BRAF: variants seen among roughly 807,000 people sequenced by gnomAD.
The protein encoded by BRAF is B-Raf proto-oncogene, serine/threonine kinase.
Under a neutral mutation model 104.6 loss-of-function variants are expected in BRAF, and 16 were observed. The observed-to-expected ratio is 0.15, with a 90% CI of 0.10 to 0.23. BRAF has a LOEUF of 0.23. Among genes scored for constraint, BRAF ranks in the 10% least tolerant of loss-of-function variants. BRAF has a pLI of 1.00. For synonymous variants in BRAF, 310 were observed against 341.6 expected (o/e 0.91, Z 1.02); for missense variants, 541 against 937.3 (o/e 0.58, Z 5.52).
chr7:140,833,863 T>C lies in BRAF; in HGVS notation c.504+746A>G, dbSNP rs192129584. The stretch of plus-strand genomic sequence containing the variant: ...TTCTGAAAGTAAAATGCCTCTATAA[T>C]AACATTTTTTTTTCAAGTCAGAAAG... On this transcript the variant is annotated intron_variant, in intron 3 of 19. Transcript: ENST00000644969. 3.3e-5 allele frequency: 5 copies of C among 152,302 alleles called. No individual in the cohort carries two copies. In the East Asian group the frequency reaches 7.7e-4, roughly 23 times the overall value. 9.4% of individuals were successfully genotyped at this position (152,302 alleles called of 1,614,324 possible).
At chr7:140,810,478 G>A (rs1421258441) in intron 3 of BRAF, among the ~76,000 whole-genome samples, 3 of 152,142 alleles carry the variant, frequency 2.0e-5, no homozygotes, top group Admixed American at 6.5e-5. Flanking sequence ...GCTGAGGCAC[G>A]ATAATCACTT....
intron 5 of BRAF, among the ~76,000 whole-genome samples, chr7:140,803,250 T>C (rs762512683): frequency 2.0e-5 from 3 of 152,042 alleles, no homozygotes; most frequent in Non-Finnish European, 4.4e-5. Flanking sequence ...TTTAGTAAGA[T>C]GAAAATAATC....
At chr7:140,744,964 T>C (rs1437838346) in intron 17 of BRAF, among the ~76,000 whole-genome samples, 2 of 152,114 alleles carry the variant, frequency 1.3e-5, no homozygotes, top group East Asian at 3.8e-4. Context: ...TGCAGAGATG[T>C]AACTTAGGTA....
intron 12 of BRAF, chr7:140,781,261 G>GA (rs554729152): frequency 2.2e-4 from 80 of 356,860 alleles, no homozygotes; most frequent in South Asian, 2.2e-3. Flanking sequence ...GTTTACTTGT[G>GA]ACTTATAATA....
intron 3 of BRAF, among the ~76,000 whole-genome samples, chr7:140,825,869 A>G (rs1238861479): frequency 1.3e-5 from 2 of 152,066 alleles, no homozygotes; most frequent in Admixed American, 1.3e-4. Flanking sequence ...TATTATGTCT[A>G]TCCTGGATTC....
At chr7:140,729,554 A>C (rs868551813) in intron 19 of BRAF, among the ~76,000 whole-genome samples, 5 of 151,870 alleles carry the variant, frequency 3.3e-5, no homozygotes, top group Middle Eastern at 3.4e-3. Context: ...GGCTGAGGTG[A>C]GCAGATCACC....
intron 1 of BRAF, among the ~76,000 whole-genome samples, chr7:140,923,724 G>A (rs1338820658): frequency 6.6e-6 from 1 of 152,088 alleles, no homozygotes; most frequent in Non-Finnish European, 1.5e-5. Flanking sequence ...GATTTGTGAA[G>A]ATAACAACAG....
intron 1 of BRAF, among the ~76,000 whole-genome samples, chr7:140,900,707 T>C (rs1248250298): frequency 6.6e-6 from 1 of 152,182 alleles, no homozygotes; most frequent in Non-Finnish European, 1.5e-5. Context: ...ACCTCCCGGA[T>C]TCAAGTGATT....
At chr7:140,835,557 T>C (rs554436852) in intron 2 of BRAF, 38 of 151,696 alleles carry the variant, frequency 2.5e-4, no homozygotes, top group Admixed American at 2.1e-3. Context: ...TATGCAAAGC[T>C]GTAAGCCTTG....
At chr7:140,775,987 A>G (rs1486802545) in intron 14 of BRAF, among the ~76,000 whole-genome samples, 1 of 152,280 alleles carries the variant, frequency 6.6e-6, no homozygotes, top group East Asian at 1.9e-4. Context: ...TTTGTAATGT[A>G]AAAGTAGCAT....
intron 8 of BRAF, 140 bp from the exon 9 acceptor site, chr7:140,787,724 A>C (rs1801538075): frequency 1.4e-6 from 1 of 728,448 alleles, no homozygotes; most frequent in Non-Finnish European, 2.3e-6. Context: ...ACACAAAACA[A>C]TTTGGAATTA....
chr7:140,773,886 C>A (rs1020737143), intron 14 of BRAF, among the ~76,000 whole-genome samples: 1 of 152,292 alleles, frequency 6.6e-6, no homozygotes. Flanking sequence ...GATATTGTCT[C>A]ATTCCTCTCT....
At chr7:140,827,911 T>G (rs191551316) in intron 3 of BRAF, among the ~76,000 whole-genome samples, 17 of 152,252 alleles carry the variant, frequency 1.1e-4, no homozygotes, top group African/African-American at 3.6e-4. Flanking sequence ...TTTATTTTTT[T>G]TTGAGATGGA....
At position 140,723,077 on chromosome 7, in the gene BRAF, A is replaced by G; in HGVS notation, c.*3417T>C. 1 of 1,051,422 alleles carries G rather than the reference A, an allele frequency of 9.5e-7. No individual in the cohort carries two copies. The highest frequency in any genetic ancestry group is 1.1e-6 in the Non-Finnish European group (1 of 870,616). The allele number at this position is 1,051,422 out of a possible 1,614,324, so 65.1% of individuals were successfully genotyped here. A position where few individuals can be genotyped will look rare whatever the true frequency, so the allele number is the denominator to read the frequency against. On this transcript the variant is annotated 3_prime_UTR_variant, in exon 20 of 20. Transcript: ENST00000644969. ...AACTATTCATTACCTCATTCTGAAGAGGTAGTTTTTTGTAGAGGTCACCTG... is the reference window on the plus strand; with the variant it reads ...AACTATTCATTACCTCATTCTGAAGGGGTAGTTTTTTGTAGAGGTCACCTG...
At chr7:140,803,212 C>A (rs908117512) in intron 5 of BRAF, among the ~76,000 whole-genome samples, 1 of 152,130 alleles carries the variant, frequency 6.6e-6, no homozygotes, top group Non-Finnish European at 1.5e-5. Context: ...CAGAACATAT[C>A]CCAGTCATCA....
At chr7:140,852,201 T>G (rs1809247888) in intron 1 of BRAF, among the ~76,000 whole-genome samples, 1 of 151,694 alleles carries the variant, frequency 6.6e-6, no homozygotes, top group Admixed American at 6.6e-5. Flanking sequence ...AAACCCCATC[T>G]CCATAAAAAA....
Position 140,723,663 on chromosome 7 carries a change from C to A in BRAF, c.*2831G>T. 1 of 1,050,928 alleles carries A rather than the reference C, an allele frequency of 9.5e-7. No individual in the cohort carries two copies. Among genetic ancestry groups the A allele is most frequent in the Non-Finnish European group, 1.1e-6 (1 of 870,276 alleles). 65.1% of individuals were successfully genotyped at this position (1,050,928 alleles called of 1,614,324 possible). A position where few individuals can be genotyped will look rare whatever the true frequency, so the allele number is the denominator to read the frequency against. The stretch of plus-strand genomic sequence containing the variant: ...GGAATACTACACAGTTACAAACAAT[C>A]CTCTGTAGTTGCTCTCAAATTTTTC... On this transcript the variant is annotated 3_prime_UTR_variant, in exon 20 of 20. Coordinates refer to ENST00000644969, the MANE Select transcript of BRAF (RefSeq NM_001374258.1).
chr7:140,719,610 G>C lies in BRAF; in HGVS notation c.*6884C>G, dbSNP rs1795226116. The C allele has an allele frequency of 5.6e-6, 6 of 1,061,974 alleles. No homozygotes were observed. Among genetic ancestry groups the C allele is most frequent in the Non-Finnish European group, 5.7e-6 (5 of 877,062 alleles). 65.8% of individuals were successfully genotyped at this position (1,061,974 alleles called of 1,614,324 possible). A position where few individuals can be genotyped will look rare whatever the true frequency, so the allele number is the denominator to read the frequency against. ...ACCAAAGTATCAGGAAGTGGGTATG[G>C]GGGAGAATTAAAAAAAATAATAAAA... is the stretch of plus-strand genomic sequence containing the variant. On this transcript the variant is annotated 3_prime_UTR_variant, in exon 20 of 20. Transcript: ENST00000644969.
chr7:140,903,374 A>G (rs1031052535), intron 1 of BRAF, among the ~76,000 whole-genome samples: 1 of 152,238 alleles, frequency 6.6e-6, no homozygotes, highest in African/African-American at 2.4e-5. Context: ...TGAAGCCTGG[A>G]TGACAGCATA....
Sources: allele counts gnomAD v4.1 joint callset (sites outside exome capture counted in the v4.1 genomes callset), GRCh38; gene constraint gnomAD v4.1.1; transcripts MANE v1.5; gene names NCBI Gene and HGNC (gene_info 2026-07-23, HGNC 2026-07-21).